SNTG1: variants seen among roughly 807,000 people sequenced by gnomAD.
SNTG1 encodes gamma-1-syntrophin.
A neutral mutation model predicts 74.7 loss-of-function variants in SNTG1; 39 were observed. That is an observed-to-expected ratio of 0.52 (90% CI 0.40 to 0.68). SNTG1 has a LOEUF of 0.68. Among genes scored for constraint, SNTG1 ranks in the 30% least tolerant of loss-of-function variants. The pLI is 0.00. For missense variants in SNTG1, 685 were observed against 609.5 expected (o/e 1.12, Z -1.30); for synonymous variants, 254 against 217.1 (o/e 1.17, Z -1.49).
intron 8 of SNTG1, among the ~76,000 whole-genome samples, chr8:50,483,373 C>T (rs1219235996): frequency 6.6e-6 from 1 of 151,552 alleles, no homozygotes; most frequent in Non-Finnish European, 1.5e-5. Context: ...TTTTTTAATA[C>T]ATTATATTTG....
rs111767960 is a variant in SNTG1, at chr8:50,553,121, A to G, written c.752A>G (p.Asp251Gly). The change falls in exon 12 of 19, where the codon GAC becomes GGC. Residue 251 changes from aspartate to glycine, a missense_variant. Transcript: ENST00000642720. The part of the protein sequence containing the change: ...TGIIQCLSAE[D>G]CVDWLQAIAT... ...ATTATTCAGTGCCTCTCTGCTGAAG[A>G]CTGCGTTGACTGGCTACAAGCAATA... 11 of 1,613,958 alleles carry G rather than the reference A, an allele frequency of 6.8e-6. No individual in the cohort carries two copies. Among genetic ancestry groups the G allele is most frequent in the Admixed American group, 1.7e-5 (1 of 59,972 alleles).
At chr8:50,593,456 G>T (rs1348908656) in intron 13 of SNTG1, among the ~76,000 whole-genome samples, 2 of 151,302 alleles carry the variant, frequency 1.3e-5, no homozygotes, top group East Asian at 3.9e-4. Context: ...TTTAAATAAA[G>T]AAATCAAAAT....
At chr8:50,524,989 AT>A (rs1179333215) in intron 9 of SNTG1, among the ~76,000 whole-genome samples, 3 of 151,960 alleles carry the variant, frequency 2.0e-5, no homozygotes, top group Non-Finnish European at 4.4e-5. Flanking sequence ...TTTTATATGC[AT>A]TTCTCTTTCT....
At chr8:49,952,959 T>C (rs572469787) in intron 1 of SNTG1, among the ~76,000 whole-genome samples, 14 of 152,194 alleles carry the variant, frequency 9.2e-5, no homozygotes, top group Non-Finnish European at 1.5e-4. Flanking sequence ...TTCAGTATCA[T>C]GTACGTTCAT....
chr8:50,175,391 C>T (rs2082960289), intron 2 of SNTG1, among the ~76,000 whole-genome samples: 1 of 152,278 alleles, frequency 6.6e-6, no homozygotes, highest in African/African-American at 2.4e-5. Flanking sequence ...AATGGATATT[C>T]ATATTTCTCC....
rs773697290 is a variant in SNTG1 at position 50,553,127 on chromosome 8, T to C, written c.758T>C (p.Val253Ala). The change falls in exon 12 of 19, where the codon GTT becomes GCT. Residue 253 changes from valine to alanine, a missense_variant. By Grantham distance (64) the Val-to-Ala change is moderately conservative. Transcript: ENST00000642720. ...IIQCLSAEDC[V>A]DWLQAIATNI... ...CAGTGCCTCTCTGCTGAAGACTGCG[T>C]TGACTGGCTACAAGCAATAGCAACT... The C allele has an allele frequency of 6.2e-7, 1 of 1,613,956 alleles. No homozygotes were observed. The highest frequency in any genetic ancestry group is 8.5e-7 in the Non-Finnish European group (1 of 1,179,894).
At chr8:50,398,068 T>C (rs1234435965) in intron 3 of SNTG1, among the ~76,000 whole-genome samples, 1 of 152,232 alleles carries the variant, frequency 6.6e-6, no homozygotes, top group Non-Finnish European at 1.5e-5. Flanking sequence ...TTATCCTTCT[T>C]CTTGCATCTC....
chr8:50,188,807 T>C (rs1049402856), intron 2 of SNTG1, among the ~76,000 whole-genome samples: 2 of 152,094 alleles, frequency 1.3e-5, no homozygotes, highest in African/African-American at 4.8e-5. Context: ...AGACGTTCAC[T>C]GAGGATAGTA....
chr8:50,202,493 G>A (rs2084025598), intron 2 of SNTG1, among the ~76,000 whole-genome samples: 2 of 152,054 alleles, frequency 1.3e-5, no homozygotes, highest in African/African-American at 2.4e-5. Context: ...GCAATGTACA[G>A]TGTTTCCTCA....
intron 1 of SNTG1, among the ~76,000 whole-genome samples, chr8:50,152,937 T>A (rs534340590): frequency 6.6e-6 from 1 of 152,284 alleles, no homozygotes; most frequent in Non-Finnish European, 1.5e-5. Context: ...ATTTCCTGAA[T>A]TTGAATGTTG....
chr8:50,078,139 T>C (rs1266271912), intron 1 of SNTG1, among the ~76,000 whole-genome samples: 1 of 152,242 alleles, frequency 6.6e-6, no homozygotes, highest in Non-Finnish European at 1.5e-5. Context: ...CATTGGTTTA[T>C]ATGTTGTCTT....
At chr8:50,765,956 T>G (rs1381349702) in intron 18 of SNTG1, among the ~76,000 whole-genome samples, 2 of 152,034 alleles carry the variant, frequency 1.3e-5, no homozygotes, top group African/African-American at 4.8e-5. Flanking sequence ...GGAATTTACG[T>G]GGCTTAAGAT....
chr8:50,395,198 G>A lies in SNTG1; in HGVS notation c.27+933G>A, dbSNP rs528220849. Among the ~76,000 whole-genome samples the A allele has an allele frequency of 6.6e-5, 10 of 152,216 alleles. No homozygotes were observed. In the East Asian group the frequency reaches 1.2e-3, roughly 18 times the overall value. Reference sequence around the variant, plus strand: ...TAAAAATACTTGTCACTGTTGGTAAGAAGTTCAGAATATAAATATAAGGTT... The same window carrying A: ...TAAAAATACTTGTCACTGTTGGTAAAAAGTTCAGAATATAAATATAAGGTT... On this transcript the variant is annotated intron_variant, in intron 3 of 18. Coordinates refer to ENST00000642720, the MANE Select transcript of SNTG1 (RefSeq NM_018967.5).
At chr8:50,476,900 A>T (rs895799421) in intron 8 of SNTG1, among the ~76,000 whole-genome samples, 21 of 147,370 alleles carry the variant, frequency 1.4e-4, no homozygotes, top group Middle Eastern at 3.5e-3. Context: ...GGATAAACAT[A>T]CACACACAGT....
At chr8:50,656,443 G>A (rs974319165) in intron 13 of SNTG1, among the ~76,000 whole-genome samples, 4 of 152,192 alleles carry the variant, frequency 2.6e-5, no homozygotes, top group African/African-American at 9.6e-5. Flanking sequence ...GCACAGAGGA[G>A]AAGTGGTGTG....
chr8:50,221,400 TA>T (rs779965198), intron 2 of SNTG1, among the ~76,000 whole-genome samples: 6 of 151,570 alleles, frequency 4.0e-5, no homozygotes, highest in East Asian at 1.9e-4. Context: ...GCTGAAGTGT[TA>T]AAAAATATAA....
intron 2 of SNTG1, among the ~76,000 whole-genome samples, chr8:50,363,766 A>T (rs2092031137): frequency 6.6e-6 from 1 of 152,194 alleles, no homozygotes; most frequent in Admixed American, 6.5e-5. Flanking sequence ...AAATAAACTC[A>T]ACTGTCTCTG....
intron 1 of SNTG1, among the ~76,000 whole-genome samples, chr8:50,134,553 A>T (rs1480094888): frequency 2.0e-5 from 3 of 152,202 alleles, no homozygotes; most frequent in African/African-American, 7.2e-5. Flanking sequence ...GTAGAAATGT[A>T]ATCAGCAAGT....
At chr8:50,364,511 G>A (rs1359150333) in intron 2 of SNTG1, among the ~76,000 whole-genome samples, 20 of 152,182 alleles carry the variant, frequency 1.3e-4, no homozygotes, top group Non-Finnish European at 2.9e-5. Flanking sequence ...AAATGGGTGA[G>A]AACAACTTTA....
Sources: gnomAD v4.1 joint callset for allele counts (sites outside exome capture counted in the v4.1 genomes callset) on GRCh38, gnomAD v4.1.1 for gene constraint, MANE v1.5 for transcripts, NCBI Gene and HGNC (gene_info 2026-07-23, HGNC 2026-07-21) for gene names.